Variants in GNAS-AS1 observed in about 807,000 individuals in gnomAD.
The protein encoded by GNAS-AS1 is GNAS antisense RNA 1 (non-protein coding).
At chr20:58,827,336 A>G (rs1053441682) in intron 4 of GNAS-AS1, among the ~76,000 whole-genome samples, 3 of 152,138 alleles carry the variant, frequency 2.0e-5, no homozygotes, top group Non-Finnish European at 2.9e-5. Context: ...CCTCTACCAG[A>G]AAGAAGAGGG....
At chr20:58,842,154 A>G in exon 4 of GNAS-AS1, 1 of 398,898 alleles carries the variant, frequency 2.5e-6, no homozygotes, top group Non-Finnish European at 4.4e-6. Context: ...ATGACCCAGC[A>G]CAAAAACGGC....
chr20:58,826,075 A>G (rs2085518303), intron 4 of GNAS-AS1: 3 of 398,546 alleles, frequency 7.5e-6, no homozygotes. Context: ...TGTCACTTTC[A>G]TGCAGATAGT....
chr20:58,841,434 A>T lies in GNAS-AS1; in HGVS notation n.819+503T>A. On this transcript the variant is annotated intron_variant and non_coding_transcript_variant, in intron 4 of 4. Transcript: ENST00000424094. This position sits in a 1 kb window ranked among gnomAD's most constrained non-coding sequence, Gnocchi z 5.0. ...TCTAGAGACTGACCACCCGGGAGGG[A>T]AGTCACGCGCGCGCGGCGCCTAAGC... The T allele has an allele frequency of 1.0e-6, 1 of 990,982 alleles. No homozygotes were observed. The highest frequency in any genetic ancestry group is 5.8e-5 in the Admixed American group (1 of 17,116). The allele number at this position is 990,982 out of a possible 1,614,324, so 61.4% of individuals were successfully genotyped here. A position where few individuals can be genotyped will look rare whatever the true frequency, so the allele number is the denominator to read the frequency against.
rs1334594512 is a variant in GNAS-AS1, at chr20:58,841,864, G to C, written n.819+73C>G. On this transcript the variant is annotated intron_variant and non_coding_transcript_variant, in intron 4 of 4. Transcript: ENST00000424094. This position sits in a 1 kb window ranked among gnomAD's most constrained non-coding sequence, Gnocchi z 5.0. The stretch of plus-strand genomic sequence containing the variant: ...ACCTCTGGAGGCCCTCGAGATCGTC[G>C]CAAGTGGAAAGGTAAAGCGGAACAA... 8.1e-6 allele frequency: 10 copies of C among 1,231,062 alleles called. No individual in the cohort carries two copies. Among genetic ancestry groups the C allele is most frequent in the African/African-American group, 4.7e-5 (3 of 64,440 alleles). The allele number at this position is 1,231,062 out of a possible 1,614,324, so 76.3% of individuals were successfully genotyped here. A position where few individuals can be genotyped will look rare whatever the true frequency, so the allele number is the denominator to read the frequency against.
intron 4 of GNAS-AS1, chr20:58,839,875 C>T: frequency 3.3e-6 from 2 of 597,744 alleles, no homozygotes; most frequent in Non-Finnish European, 6.0e-6. Context: ...TTTTCCCATC[C>T]CTTCTTCTTG....
intron 4 of GNAS-AS1, chr20:58,826,149 T>C (rs988198430): frequency 7.5e-5 from 30 of 398,492 alleles, no homozygotes; most frequent in African/African-American, 1.2e-4. Context: ...TATTTAAAAA[T>C]AGTGGGAGAA....
At position 58,840,500 on chromosome 20, in the gene GNAS-AS1, G is replaced by A; in HGVS notation, n.819+1437C>T. ...CGACTTCGAGACCGAGCCTGAGACC[G>A]CCCCCACCACTGAGCCCGAGACCGA... On this transcript the variant is annotated intron_variant and non_coding_transcript_variant, in intron 4 of 4. Transcript: ENST00000424094. The surrounding 1 kb of genome is among the most constrained non-coding windows in gnomAD (Gnocchi z 6.0). 1 of 1,613,188 alleles carries A rather than the reference G, an allele frequency of 6.2e-7. No individual in the cohort carries two copies. Among genetic ancestry groups the A allele is most frequent in the Non-Finnish European group, 8.5e-7 (1 of 1,179,764 alleles).
intron 4 of GNAS-AS1, among the ~76,000 whole-genome samples, chr20:58,838,090 C>T (rs1273987483): frequency 1.3e-5 from 2 of 152,180 alleles, no homozygotes; most frequent in Non-Finnish European, 2.9e-5. Context: ...GACATGTGTC[C>T]TAAGTGAAAC....
intron 4 of GNAS-AS1, chr20:58,836,524 A>G (rs1159762291): frequency 1.3e-5 from 2 of 152,170 alleles, no homozygotes; most frequent in Non-Finnish European, 2.9e-5. Flanking sequence ...CTGGTTTAGG[A>G]GCCTCCCTCC....
intron 4 of GNAS-AS1, among the ~76,000 whole-genome samples, chr20:58,831,563 G>A (rs527271735): frequency 1.3e-5 from 2 of 152,128 alleles, no homozygotes; most frequent in African/African-American, 4.8e-5. Flanking sequence ...CCGGGGAGGT[G>A]GAGCTTGCAG....
intron 4 of GNAS-AS1, among the ~76,000 whole-genome samples, chr20:58,837,378 A>T (rs2085610646): frequency 6.6e-6 from 1 of 152,202 alleles, no homozygotes; most frequent in Admixed American, 6.5e-5. Context: ...GTCCCATGAT[A>T]ATATCCACAC....
At chr20:58,835,224 T>C (rs1200561647) in intron 4 of GNAS-AS1, among the ~76,000 whole-genome samples, 1 of 151,806 alleles carries the variant, frequency 6.6e-6, no homozygotes, top group African/African-American at 2.4e-5. Flanking sequence ...AAGCTCTTCA[T>C]CTCCAAAAAT....
exon 4 of GNAS-AS1, chr20:58,842,016 G>T (rs1173295910): frequency 1.1e-5 from 9 of 810,454 alleles, no homozygotes; most frequent in African/African-American, 1.8e-5. Context: ...ACGATCAGTC[G>T]TCGAAAAGGA....
intron 4 of GNAS-AS1, among the ~76,000 whole-genome samples, chr20:58,826,313 A>C (rs1356548483): frequency 6.6e-6 from 1 of 152,202 alleles, no homozygotes; most frequent in Non-Finnish European, 1.5e-5. Flanking sequence ...CTGGGGGCCC[A>C]AACAGCCTGC....
At chr20:58,822,881 C>A (rs1018167507) in intron 4 of GNAS-AS1, among the ~76,000 whole-genome samples, 2 of 152,148 alleles carry the variant, frequency 1.3e-5, no homozygotes, top group Non-Finnish European at 2.9e-5. Context: ...CTGCTCCCTA[C>A]GTGTTCCCGA....
chr20:58,841,495 A>C lies in GNAS-AS1; in HGVS notation n.819+442T>G. The C allele has an allele frequency of 1.0e-6, 1 of 990,592 alleles. No homozygotes were observed. The highest frequency in any genetic ancestry group is 1.2e-6 in the Non-Finnish European group (1 of 833,778). 61.4% of individuals were successfully genotyped at this position (990,592 alleles called of 1,614,324 possible). The stretch of plus-strand genomic sequence containing the variant: ...CGGAGCCCAGGTCCCAGAGCTGACA[A>C]TTAAGCCGCGGGACCTCCGCGCCAG... On this transcript the variant is annotated intron_variant and non_coding_transcript_variant, in intron 4 of 4. Coordinates refer to ENST00000424094, the Ensembl canonical transcript of GNAS-AS1. The surrounding 1 kb of genome is among the most constrained non-coding windows in gnomAD (Gnocchi z 5.0).
intron 4 of GNAS-AS1, chr20:58,839,722 C>T: frequency 1.0e-5 from 5 of 487,438 alleles, no homozygotes; most frequent in Non-Finnish European, 1.8e-5. Context: ...CTTCGCAGAA[C>T]CTCACTGCCC....
intron 2 of GNAS-AS1, among the ~76,000 whole-genome samples, chr20:58,843,597 T>C (rs2085827649): frequency 6.6e-6 from 1 of 152,208 alleles, no homozygotes; most frequent in Non-Finnish European, 1.5e-5. Flanking sequence ...GATCTTATGG[T>C]GAACCACATA....
chr20:58,841,601 C>T lies in GNAS-AS1; in HGVS notation n.819+336G>A, dbSNP rs1257025721. On this transcript the variant is annotated intron_variant and non_coding_transcript_variant, in intron 4 of 4. Coordinates refer to ENST00000424094, the Ensembl canonical transcript of GNAS-AS1. This position sits in a 1 kb window ranked among gnomAD's most constrained non-coding sequence, Gnocchi z 5.0. Reference sequence around the variant, plus strand: ...GCGGGACAGAGACCGCCTCAAAGAGCGTGCGCACCTGCCCGCGCGCGCCGG... The same window carrying T: ...GCGGGACAGAGACCGCCTCAAAGAGTGTGCGCACCTGCCCGCGCGCGCCGG... 14 of 1,028,062 alleles carry T rather than the reference C, an allele frequency of 1.4e-5. No individual in the cohort carries two copies. The Admixed American group carries it at 8.0e-4, about 59-fold the overall frequency. 63.7% of individuals were successfully genotyped at this position (1,028,062 alleles called of 1,614,324 possible). A position where few individuals can be genotyped will look rare whatever the true frequency, so the allele number is the denominator to read the frequency against.
Sources: allele counts gnomAD v4.1 joint callset (sites outside exome capture counted in the v4.1 genomes callset), GRCh38; gene constraint gnomAD v4.1.1; non-coding constraint Gnocchi (gnomAD v3.1); transcripts MANE v1.5; gene names NCBI Gene and HGNC (gene_info 2026-07-23, HGNC 2026-07-21).